CREM: variants seen among roughly 807,000 people sequenced by gnomAD.
The protein encoded by CREM is cAMP-responsive element modulator.
CREM carries 13 observed loss-of-function variants against 37.3 expected under a neutral mutation model. The ratio of observed to expected loss-of-function variants is 0.35; its 90% CI spans 0.23 to 0.55. The LOEUF (loss-of-function observed/expected upper bound fraction) is 0.55. Ranked by LOEUF, CREM falls within the 20% of genes least tolerant of loss-of-function variation. The pLI is 0.88. For missense variants in CREM, 296 were observed against 362.3 expected (o/e 0.82, Z 1.49); for synonymous variants, 124 against 120.2 (o/e 1.03, Z -0.21).
chr10:35,171,713 T>TC (rs1333456540), intron 3 of CREM, among the ~76,000 whole-genome samples: 4 of 152,152 alleles, frequency 2.6e-5, no homozygotes, highest in Non-Finnish European at 4.4e-5. Flanking sequence ...CCCCTGGGTT[T>TC]CCCCCGCTAT....
At chr10:35,181,534 A>G (rs2094352304) in intron 5 of CREM, among the ~76,000 whole-genome samples, 1 of 152,112 alleles carries the variant, frequency 6.6e-6, no homozygotes, top group Non-Finnish European at 1.5e-5. Context: ...TGAGAGGAGC[A>G]GAGTCAGGAA....
Position 35,206,920 on chromosome 10 carries a change from C to T in CREM, c.624C>T (p.Tyr208=). Reference sequence around the variant, plus strand: ...CTGCCACTGGTGACATGCCAACTTACCAGATCCGAGCTCCTACTGCTGCTT... The same window carrying T: ...CTGCCACTGGTGACATGCCAACTTATCAGATCCGAGCTCCTACTGCTGCTT... ...VQAATGDMPT[Y]QIRAPTAALP... is the part of the protein sequence containing the mutation. The change falls in exon 7 of 8, where the codon TAC becomes TAT. Residue 208 remains tyrosine, a synonymous_variant. Transcript: ENST00000685392. The T allele has an allele frequency of 6.2e-7, 1 of 1,613,822 alleles. No individual in the cohort carries two copies. Among genetic ancestry groups the T allele is most frequent in the African/African-American group, 1.3e-5 (1 of 75,048 alleles).
chr10:35,133,400 C>T (rs1331532933), intron 1 of CREM, among the ~76,000 whole-genome samples: 2 of 151,638 alleles, frequency 1.3e-5, no homozygotes, highest in East Asian at 1.9e-4. Context: ...CTTCGCCTCC[C>T]AGATTCTCCT....
chr10:35,165,073 A>G (rs55757135), intron 3 of CREM, among the ~76,000 whole-genome samples: 6 of 151,010 alleles, frequency 4.0e-5, no homozygotes, highest in African/African-American at 1.5e-4. Context: ...AAAAAAAAAA[A>G]AAAAAGAAAA....
At chr10:35,134,505 C>T (rs2090094381) in intron 1 of CREM, among the ~76,000 whole-genome samples, 1 of 152,202 alleles carries the variant, frequency 6.6e-6, no homozygotes, top group African/African-American at 2.4e-5. Context: ...GGGTGAGCCA[C>T]AGCGCCTGGC....
intron 6 of CREM, among the ~76,000 whole-genome samples, chr10:35,192,038 G>T (rs2094939051): frequency 6.6e-6 from 1 of 152,148 alleles, no homozygotes; most frequent in South Asian, 2.1e-4. Context: ...GAATGCTTCT[G>T]CCACTCCACA....
chr10:35,148,691 A>G (rs1382903813), intron 3 of CREM, 200 bp downstream of exon 3: 5 of 514,178 alleles, frequency 9.7e-6, no homozygotes, highest in Non-Finnish European at 1.7e-5. Flanking sequence ...CCCCATCTCC[A>G]TTGCCACCAC....
intron 3 of CREM, chr10:35,158,769 T>A: frequency 6.6e-6 from 1 of 151,400 alleles, no homozygotes; most frequent in Non-Finnish European, 1.5e-5. Flanking sequence ...AATAGGTCCC[T>A]CCACTTTTTG....
chr10:35,160,506 C>A (rs1303614451), intron 3 of CREM, among the ~76,000 whole-genome samples: 2 of 152,158 alleles, frequency 1.3e-5, no homozygotes, highest in African/African-American at 4.8e-5. Flanking sequence ...TCAAGTGATC[C>A]TCCTGTCTCA....
intron 3 of CREM, among the ~76,000 whole-genome samples, chr10:35,153,772 C>G (rs143633547): frequency 6.6e-6 from 1 of 152,248 alleles, no homozygotes; most frequent in Non-Finnish European, 1.5e-5. Context: ...GAGCAGTATG[C>G]TAGGAGTCAA....
intron 5 of CREM, among the ~76,000 whole-genome samples, chr10:35,187,411 C>T (rs1009748397): frequency 2.0e-5 from 3 of 149,382 alleles, no homozygotes; most frequent in Non-Finnish European, 3.0e-5. Context: ...AGACACCTGC[C>T]ACCACACCTG....
rs114611377 is a variant in CREM at position 35,184,185 on chromosome 10, C to A, written c.410-4015C>A. Among the ~76,000 whole-genome samples the A allele has an allele frequency of 7.0e-3, 1,069 of 152,244 alleles. 17 individuals carry two copies. Among genetic ancestry groups the A allele is most frequent in the African/African-American group, 0.024 (1,005 of 41,538 alleles). On this transcript the variant is annotated intron_variant, in intron 5 of 7. Transcript: ENST00000685392. ...GGCTGAGGCAGAAGGATTGCTTGAG[C>A]CTAGCAGTTTAAGACCAGCTAGACC...
intron 1 of CREM, among the ~76,000 whole-genome samples, chr10:35,129,444 G>A (rs1423267454): frequency 6.6e-6 from 1 of 152,112 alleles, no homozygotes; most frequent in African/African-American, 2.4e-5. Context: ...TGAAAAGTAG[G>A]GAAGAGTTTT....
At position 35,172,875 on chromosome 10, in the gene CREM, A is replaced by T. The variant is rs184098390; in HGVS notation, c.169-6014A>T. On this transcript the variant is annotated intron_variant, in intron 3 of 7. Transcript: ENST00000685392. ...TATTCAAACTTGAAGACATTTCCTC[A>T]AAAACAAATGAAGTGAGCTTGTCAG... Among the ~76,000 whole-genome samples the T allele has an allele frequency of 2.6e-4, 39 of 152,318 alleles. No individual in the cohort carries two copies. In the East Asian group the frequency reaches 7.1e-3, roughly 28 times the overall value.
intron 3 of CREM, among the ~76,000 whole-genome samples, chr10:35,155,660 G>A (rs756582443): frequency 6.7e-6 from 1 of 149,172 alleles, no homozygotes; most frequent in East Asian, 1.9e-4. Flanking sequence ...TGGGAGTCTC[G>A]CTCTGTCACC....
rs3780885 is a variant in CREM at position 35,198,368 on chromosome 10, C to T, written c.599-8527C>T. ...TGAAACCCCGTCTCTACTAAAAATA[C>T]AAAAATTAGCCAGGCGTGGTGGCAC... is the stretch of plus-strand genomic sequence containing the variant. On this transcript the variant is annotated intron_variant, in intron 6 of 7. Coordinates refer to ENST00000685392, the MANE Select transcript of CREM (RefSeq NM_183011.2). 4.6e-3 allele frequency among the ~76,000 whole-genome samples: 696 copies of T among 151,874 alleles called. 37 individuals are homozygous for T. The East Asian group carries it at 0.11, about 25-fold the overall frequency.
At chr10:35,167,709 AGT>A in intron 3 of CREM, 1 of 1,612,530 alleles carries the variant, frequency 6.2e-7, no homozygotes, top group Non-Finnish European at 8.5e-7. Flanking sequence ...TACTGTTTAT[AGT>A]GGGATTTTTG....
At chr10:35,160,308 A>T (rs1313251727) in intron 3 of CREM, among the ~76,000 whole-genome samples, 7 of 152,218 alleles carry the variant, frequency 4.6e-5, no homozygotes, top group Admixed American at 1.3e-4. Context: ...ACAAAACCAT[A>T]GTGGAGCTTG....
intron 5 of CREM, among the ~76,000 whole-genome samples, chr10:35,182,813 A>G (rs188531339): frequency 3.7e-4 from 56 of 152,364 alleles, no homozygotes; most frequent in African/African-American, 1.2e-3. Flanking sequence ...CTGGAAGTAC[A>G]GATCTTAGTG....
Sources: allele counts gnomAD v4.1 joint callset (sites outside exome capture counted in the v4.1 genomes callset), GRCh38; gene constraint gnomAD v4.1.1; transcripts MANE v1.5; gene names NCBI Gene and HGNC (gene_info 2026-07-23, HGNC 2026-07-21).